ANGPT1: variants seen among roughly 807,000 people sequenced by gnomAD.
The protein encoded by ANGPT1 is angiopoietin-1.
A neutral mutation model predicts 62.2 loss-of-function variants in ANGPT1; 17 were observed. The observed-to-expected ratio is 0.27, with a 90% CI of 0.19 to 0.41. ANGPT1 has a LOEUF of 0.41. Among genes scored for constraint, ANGPT1 ranks in the 10% least tolerant of loss-of-function variants. The pLI, the probability that ANGPT1 is intolerant of heterozygous loss-of-function variation, is 1.00. For synonymous variants in ANGPT1, 199 were observed against 198.9 expected (o/e 1.00, Z 0.00); for missense variants, 478 against 594.9 (o/e 0.80, Z 2.04).
intron 1 of ANGPT1, among the ~76,000 whole-genome samples, chr8:107,432,454 G>T (rs1390145492): frequency 6.6e-6 from 1 of 152,136 alleles, no homozygotes; most frequent in Non-Finnish European, 1.5e-5. Flanking sequence ...CACGAGGTCA[G>T]GAGATCGAGA....
At chr8:107,336,589 C>T (rs1459413647) in intron 2 of ANGPT1, 1 of 168,364 alleles carries the variant, frequency 5.9e-6, no homozygotes, top group South Asian at 1.2e-4. Context: ...GGCGTGAACC[C>T]GGGAGGCGGA....
intron 1 of ANGPT1, among the ~76,000 whole-genome samples, chr8:107,496,426 C>T (rs1335037374): frequency 6.6e-6 from 1 of 152,158 alleles, no homozygotes; most frequent in Non-Finnish European, 1.5e-5. Flanking sequence ...AGATTACATT[C>T]ATACTCAACA....
intron 7 of ANGPT1, among the ~76,000 whole-genome samples, chr8:107,279,779 G>A (rs201708695): frequency 6.6e-6 from 1 of 150,614 alleles, no homozygotes; most frequent in East Asian, 1.9e-4. Flanking sequence ...GAAGGGGGGG[G>A]GAGAGAGAGA....
At chr8:107,449,984 G>A (rs2130451512) in intron 1 of ANGPT1, among the ~76,000 whole-genome samples, 1 of 151,988 alleles carries the variant, frequency 6.6e-6, no homozygotes. Flanking sequence ...ATAAAATTCT[G>A]GTTTTAAGAG....
chr8:107,386,365 C>T (rs372193943), intron 1 of ANGPT1, among the ~76,000 whole-genome samples: 36 of 151,984 alleles, frequency 2.4e-4, no homozygotes, highest in Admixed American at 1.1e-3. Context: ...ATGTAACAAA[C>T]CTGCATGTTG....
At chr8:107,292,792 T>C (rs773296172) in intron 6 of ANGPT1, among the ~76,000 whole-genome samples, 1 of 152,198 alleles carries the variant, frequency 6.6e-6, no homozygotes, top group Non-Finnish European at 1.5e-5. Context: ...AGCCTATTAA[T>C]GGGCAAACTC....
intron 1 of ANGPT1, among the ~76,000 whole-genome samples, chr8:107,458,779 C>T (rs1390996512): frequency 6.6e-6 from 1 of 152,132 alleles, no homozygotes; most frequent in Non-Finnish European, 1.5e-5. Context: ...TGAACCATTC[C>T]TTTGTGCTAA....
intron 5 of ANGPT1, among the ~76,000 whole-genome samples, 169 bp downstream of exon 5, chr8:107,303,071 T>C (rs1814631308): frequency 6.6e-6 from 1 of 151,848 alleles, no homozygotes; most frequent in South Asian, 2.1e-4. Flanking sequence ...TTCTGTACAA[T>C]AGGGTTTTCA....
chr8:107,311,099 T>C (rs1814850249), intron 4 of ANGPT1, among the ~76,000 whole-genome samples: 1 of 151,704 alleles, frequency 6.6e-6, no homozygotes, highest in South Asian at 2.1e-4. Context: ...AGTATGTGTG[T>C]GTGTGTCTGT....
At chr8:107,256,634 T>C (rs1025224091) in intron 8 of ANGPT1, among the ~76,000 whole-genome samples, 4 of 152,188 alleles carry the variant, frequency 2.6e-5, no homozygotes, top group African/African-American at 9.7e-5. Context: ...AATTATATAT[T>C]CTGTGCAATC....
At chr8:107,329,620 G>A (rs973457584) in intron 3 of ANGPT1, among the ~76,000 whole-genome samples, 2 of 151,468 alleles carry the variant, frequency 1.3e-5, no homozygotes, top group Non-Finnish European at 2.9e-5. Flanking sequence ...AATATGATTT[G>A]TTTTTTCCAC....
At chr8:107,309,329 G>T (rs140758579) in intron 4 of ANGPT1, among the ~76,000 whole-genome samples, 2 of 152,282 alleles carry the variant, frequency 1.3e-5, no homozygotes, top group East Asian at 3.9e-4. Flanking sequence ...CTGAACCTGT[G>T]ATTTCAACAC....
intron 1 of ANGPT1, among the ~76,000 whole-genome samples, chr8:107,388,497 C>T (rs1000642086): frequency 1.3e-5 from 2 of 152,044 alleles, no homozygotes; most frequent in African/African-American, 4.8e-5. Context: ...TGAAAGGAGT[C>T]AGGTTCCATT....
chr8:107,469,912 C>T (rs889302048), intron 1 of ANGPT1, among the ~76,000 whole-genome samples: 1 of 152,008 alleles, frequency 6.6e-6, no homozygotes, highest in Non-Finnish European at 1.5e-5. Context: ...AATACCTTTT[C>T]ACAAGGCATA....
At chr8:107,270,589 A>G (rs923159155) in intron 7 of ANGPT1, among the ~76,000 whole-genome samples, 7 of 152,136 alleles carry the variant, frequency 4.6e-5, no homozygotes, top group African/African-American at 1.7e-4. Context: ...AGAACTGGGC[A>G]CCATTAGCCA....
intron 3 of ANGPT1, among the ~76,000 whole-genome samples, chr8:107,334,379 T>C (rs1335924018): frequency 6.6e-6 from 1 of 152,222 alleles, no homozygotes; most frequent in African/African-American, 2.4e-5. Context: ...ATTTTATTAA[T>C]GTAAAATGAC....
intron 1 of ANGPT1, among the ~76,000 whole-genome samples, chr8:107,432,252 T>C (rs1235450946): frequency 2.0e-5 from 3 of 151,776 alleles, no homozygotes; most frequent in Non-Finnish European, 4.4e-5. Context: ...ATAAATTATT[T>C]TGGGATTATT....
At chr8:107,491,072 A>G (rs922068442) in intron 1 of ANGPT1, among the ~76,000 whole-genome samples, 5 of 152,218 alleles carry the variant, frequency 3.3e-5, no homozygotes, top group Admixed American at 2.6e-4. Flanking sequence ...TTATTTCCCT[A>G]TTTATTAAAA....
At position 107,310,965 on chromosome 8, in the gene ANGPT1, GTA is replaced by G. The variant is rs1814841221; in HGVS notation, c.809-7600_809-7599del. Among the ~76,000 whole-genome samples the G allele has an allele frequency of 2.8e-5, 3 of 108,824 alleles. No individual in the cohort carries two copies. The East Asian group carries it at 7.4e-4, about 27-fold the overall frequency. The allele number at this position is 108,824 out of a possible 152,430, so 71.4% of individuals were successfully genotyped here. Reference sequence around the variant, plus strand: ...TGTGTGTGTGTATGTATGTGTGTGTGTATGAGTGTGTATGTGAGTGTGTGTGT... The same window carrying G: ...TGTGTGTGTGTATGTATGTGTGTGTGTGAGTGTGTATGTGAGTGTGTGTGT... On this transcript the variant is annotated intron_variant, in intron 4 of 8. Transcript: ENST00000517746.
Sources: gnomAD v4.1 joint callset for allele counts (sites outside exome capture counted in the v4.1 genomes callset) on GRCh38, gnomAD v4.1.1 for gene constraint, MANE v1.5 for transcripts, NCBI Gene and HGNC (gene_info 2026-07-23, HGNC 2026-07-21) for gene names.